The following SH3RF1 variants were observed in gnomAD, a reference collection of about 807,000 sequenced individuals.
SH3RF1 encodes SH3 domain containing ring finger 1.
A neutral mutation model predicts 74.0 loss-of-function variants in SH3RF1; 32 were observed. That is an observed-to-expected ratio of 0.43 (90% CI 0.33 to 0.58). The LOEUF is 0.58. SH3RF1 is among the 20% of genes least tolerant of loss of function. The pLI, the probability that SH3RF1 is intolerant of heterozygous loss-of-function variation, is 0.05. For synonymous variants in SH3RF1, 396 were observed against 439.6 expected, an observed-to-expected ratio of 0.90 and a Z score of 1.24; for missense variants, 954 against 1,130.9, an observed-to-expected ratio of 0.84 and a Z score of 2.24.
At chr4:169,229,552 TGCATACTAA>T (rs1280929331) in intron 2 of SH3RF1, among the ~76,000 whole-genome samples, 1 of 151,976 alleles carries the variant, frequency 6.6e-6, no homozygotes, top group African/African-American at 2.4e-5. Context: ...AGGGTCACAA[TGCATACTAA>T]GTGTTAAAAG....
At chr4:169,218,579 A>G (rs1442321433) in intron 2 of SH3RF1, among the ~76,000 whole-genome samples, 1 of 150,884 alleles carries the variant, frequency 6.6e-6, no homozygotes, top group Non-Finnish European at 1.5e-5. Context: ...GAGCCAGGAG[A>G]GCCTGGGGAT....
intron 2 of SH3RF1, among the ~76,000 whole-genome samples, chr4:169,167,604 C>T (rs959663924): frequency 1.3e-5 from 2 of 151,922 alleles, no homozygotes; most frequent in Admixed American, 1.3e-4. Flanking sequence ...GAATTACTGA[C>T]ACATGTGAGT....
intron 2 of SH3RF1, among the ~76,000 whole-genome samples, chr4:169,232,146 C>T (rs2331608): frequency 0.19 from 28,875 of 152,066 alleles, 2,957 homozygotes; most frequent in Non-Finnish European, 0.24. Context: ...CCAGTACGAG[C>T]GCTAGTAAGC....
At chr4:169,124,413 C>T (rs1343315310) in intron 6 of SH3RF1, among the ~76,000 whole-genome samples, 1 of 152,124 alleles carries the variant, frequency 6.6e-6, no homozygotes, top group Non-Finnish European at 1.5e-5. Context: ...TCACAAAATA[C>T]ACTAAGTTAA....
At chr4:169,169,166 G>C (rs527450382) in intron 2 of SH3RF1, among the ~76,000 whole-genome samples, 1 of 152,246 alleles carries the variant, frequency 6.6e-6, no homozygotes, top group South Asian at 2.1e-4. Flanking sequence ...AGTTTATATA[G>C]TAAGGATTAA....
intron 2 of SH3RF1, among the ~76,000 whole-genome samples, chr4:169,239,931 G>A (rs1730878771): frequency 6.6e-6 from 1 of 152,110 alleles, no homozygotes; most frequent in South Asian, 2.1e-4. Flanking sequence ...GGCTGAGGCA[G>A]GAGAATCTCT....
At chr4:169,115,652 G>A (rs1202350858) in intron 10 of SH3RF1, among the ~76,000 whole-genome samples, 1 of 152,112 alleles carries the variant, frequency 6.6e-6, no homozygotes, top group Non-Finnish European at 1.5e-5. Context: ...GAAATAAAGT[G>A]CACAGTTAAT....
At chr4:169,256,205 A>G (rs1313724214) in intron 2 of SH3RF1, among the ~76,000 whole-genome samples, 1 of 151,948 alleles carries the variant, frequency 6.6e-6, no homozygotes, top group Non-Finnish European at 1.5e-5. Context: ...TTGAGCTATT[A>G]TTTTCCCCAA....
At chr4:169,248,011 G>A (rs996156327) in intron 2 of SH3RF1, among the ~76,000 whole-genome samples, 1 of 152,214 alleles carries the variant, frequency 6.6e-6, no homozygotes, top group Non-Finnish European at 1.5e-5. Context: ...AGGATGTGGA[G>A]AAACAGAAAT....
chr4:169,146,511 AG>A (rs1294272235), intron 4 of SH3RF1, among the ~76,000 whole-genome samples: 1 of 152,076 alleles, frequency 6.6e-6, no homozygotes, highest in East Asian at 1.9e-4. Context: ...TACAGGTGTG[AG>A]CCACCACCCG....
chr4:169,107,497 G>T (rs1258328685), intron 10 of SH3RF1, among the ~76,000 whole-genome samples: 1 of 151,904 alleles, frequency 6.6e-6, no homozygotes, highest in South Asian at 2.1e-4. Flanking sequence ...TTTGGTTTTG[G>T]ACATTCCGTT....
At chr4:169,166,789 G>A (rs1352934769) in intron 2 of SH3RF1, 2 of 233,352 alleles carry the variant, frequency 8.6e-6, no homozygotes, top group Non-Finnish European at 1.7e-5. Flanking sequence ...TCGTTACTTT[G>A]ACTGGACCTC....
In SH3RF1 at chr4:169,199,417, A is replaced by G. The variant is rs1734872120; in HGVS notation, c.394-42738T>C. Among the ~76,000 whole-genome samples, 3 of 152,162 alleles carry G rather than the reference A, an allele frequency of 2.0e-5. No homozygotes were observed. In the South Asian group the frequency reaches 6.2e-4, roughly 32 times the overall value. On this transcript the variant is annotated intron_variant, in intron 2 of 11. Transcript: ENST00000284637. ...CGGGTTCTTACCATCTTGTGGCTTC[A>G]CCAACCATTAGGGTCTTATAATCTT...
chr4:169,237,645 A>G (rs1288854760), intron 2 of SH3RF1, among the ~76,000 whole-genome samples: 1 of 152,218 alleles, frequency 6.6e-6, no homozygotes, highest in Non-Finnish European at 1.5e-5. Flanking sequence ...ATTTGGCTGC[A>G]GTGAGTTCTG....
intron 2 of SH3RF1, among the ~76,000 whole-genome samples, chr4:169,225,481 G>T: frequency 6.6e-6 from 1 of 151,976 alleles, no homozygotes; most frequent in South Asian, 2.1e-4. Context: ...ATGAGGAAGG[G>T]AAGTCATTTC....
intron 2 of SH3RF1, among the ~76,000 whole-genome samples, chr4:169,262,814 C>T (rs1271895499): frequency 6.6e-6 from 1 of 152,106 alleles, no homozygotes; most frequent in Non-Finnish European, 1.5e-5. Context: ...ACCACAGACC[C>T]CCTTTCCCAT....
chr4:169,180,202 A>G (rs1734484532), intron 2 of SH3RF1, among the ~76,000 whole-genome samples: 1 of 152,212 alleles, frequency 6.6e-6, no homozygotes, highest in Non-Finnish European at 1.5e-5. Context: ...AATTTCTAAT[A>G]CAGTATGTCC....
At chr4:169,100,348 CT>C (rs1273886179) in intron 11 of SH3RF1, among the ~76,000 whole-genome samples, 10 of 149,644 alleles carry the variant, frequency 6.7e-5, no homozygotes, top group East Asian at 2.0e-4. Flanking sequence ...CGTCAAATAT[CT>C]TTTTTTTTTA....
chr4:169,122,371 A>T, intron 6 of SH3RF1, 105 bp from the exon 7 acceptor site: 6 of 1,311,152 alleles, frequency 4.6e-6, no homozygotes, highest in Non-Finnish European at 6.2e-6. Context: ...AATCCATAGA[A>T]CAAGACTTTA....
Sources: gnomAD v4.1 joint callset for allele counts (sites outside exome capture counted in the v4.1 genomes callset) on GRCh38, gnomAD v4.1.1 for gene constraint, MANE v1.5 for transcripts, NCBI Gene and HGNC (gene_info 2026-07-23, HGNC 2026-07-21) for gene names.